The following ADGRF5 variants were observed in gnomAD, a reference collection of about 807,000 sequenced individuals.
The protein encoded by ADGRF5 is G-protein coupled receptor 116.
In ADGRF5, 75 loss-of-function variants were observed where a neutral mutation model predicts 132.3. The ratio of observed to expected loss-of-function variants is 0.57; its 90% CI spans 0.47 to 0.69. The LOEUF is 0.69. Among genes scored for constraint, ADGRF5 ranks in the 30% least tolerant of loss-of-function variants. ADGRF5 has a pLI of 0.00. For missense variants in ADGRF5, 1,516 were observed against 1,630.6 expected, an observed-to-expected ratio of 0.93 and a Z score of 1.21; for synonymous variants, 629 against 597.6, an observed-to-expected ratio of 1.05 and a Z score of -0.77.
chr6:46,944,506 TAC>T (rs1046940181), intron 1 of ADGRF5, among the ~76,000 whole-genome samples: 2 of 152,134 alleles, frequency 1.3e-5, no homozygotes, highest in African/African-American at 4.8e-5. Context: ...CCCATCTTCC[TAC>T]ACACACAGGT....
At chr6:46,943,738 C>T (rs1778188934) in intron 1 of ADGRF5, among the ~76,000 whole-genome samples, 2 of 152,150 alleles carry the variant, frequency 1.3e-5, no homozygotes, top group Non-Finnish European at 2.9e-5. Flanking sequence ...AAATTTGAGG[C>T]AGACTATGAA....
chr6:46,887,082 T>C (rs1221096509), intron 4 of ADGRF5: 1 of 152,206 alleles, frequency 6.6e-6, no homozygotes, highest in Non-Finnish European at 1.5e-5. Context: ...TGTTAGTATG[T>C]TTATATTGAA....
At chr6:46,891,603 TC>T (rs1773644356) in intron 3 of ADGRF5, among the ~76,000 whole-genome samples, 1 of 152,188 alleles carries the variant, frequency 6.6e-6, no homozygotes, top group Admixed American at 6.5e-5. Context: ...CTTTGTTGAA[TC>T]CCAGGACCTG....
At chr6:46,889,568 GTATATA>G (rs765350305) in intron 3 of ADGRF5, among the ~76,000 whole-genome samples, 100 of 77,818 alleles carry the variant, frequency 1.3e-3, no homozygotes, top group African/African-American at 3.3e-3. Flanking sequence ...GTGTGTGTGT[GTATATA>G]TATATATATA....
At chr6:46,937,312 C>A (rs1777885129) in intron 1 of ADGRF5, among the ~76,000 whole-genome samples, 1 of 151,836 alleles carries the variant, frequency 6.6e-6, no homozygotes, top group Admixed American at 6.6e-5. Flanking sequence ...CACTGAAATT[C>A]CCCTTATGAC....
At chr6:46,863,190 A>G in intron 14 of ADGRF5, 94 bp from the exon 15 acceptor site, 1 of 937,872 alleles carries the variant, frequency 1.1e-6, no homozygotes, top group Non-Finnish European at 1.7e-6. Flanking sequence ...TGATGTTTGA[A>G]TTCACATTTA....
intron 12 of ADGRF5, 46 bp downstream of exon 12, chr6:46,868,837 T>G: frequency 8.0e-7 from 1 of 1,244,660 alleles, no homozygotes; most frequent in Non-Finnish European, 1.2e-6. Context: ...ATTGCATGTT[T>G]CCAAGAGCCC....
At chr6:46,881,320 G>C (rs11760108) in intron 8 of ADGRF5, 135 bp downstream of exon 8, 1 of 689,952 alleles carries the variant, frequency 1.4e-6, no homozygotes. Flanking sequence ...GGCATAAGAG[G>C]AGGAGGTGGT....
chr6:46,919,867 T>A (rs1164175933), intron 1 of ADGRF5, among the ~76,000 whole-genome samples: 3 of 152,200 alleles, frequency 2.0e-5, no homozygotes, highest in Non-Finnish European at 4.4e-5. Context: ...ATACTGCTTA[T>A]TTATACCTTT....
At position 46,888,432 on chromosome 6, in the gene ADGRF5, C is replaced by A. The variant is rs771840007; in HGVS notation, c.231G>T (p.Leu77=). The A allele has an allele frequency of 6.2e-7, 1 of 1,611,460 alleles. No individual in the cohort carries two copies. Among genetic ancestry groups the A allele is most frequent in the Non-Finnish European group, 8.5e-7 (1 of 1,177,698 alleles). The change falls in exon 4 of 21, where the codon CTG becomes CTT. Residue 77 remains leucine (L), a synonymous_variant. Transcript: ENST00000283296. The part of the protein sequence containing the change: ...IEISFENASF[L]DPIKAYLNSL... ...TGTTCAAGTAGGCTTTGATAGGATCCAGGAAGGATGCATTTTCAAAACTGA... is the reference window on the plus strand; with the variant it reads ...TGTTCAAGTAGGCTTTGATAGGATCAAGGAAGGATGCATTTTCAAAACTGA...
Position 46,877,269 on chromosome 6 carries a change from TTCTTTCTTTCTTTCTTTCTTTCTC to T in ADGRF5, c.1240+909_1240+932del, listed in dbSNP as rs748839384. On this transcript the variant is annotated intron_variant, in intron 10 of 20. Transcript: ENST00000283296. ...TTTCTTTCTTTCTTTCTTTCTTTCT[TTCTTTCTTTCTTTCTTTCTTTCTC>T]TCTCTCTCTCTCTTTCCTTCCTTCC... 7.2e-4 allele frequency among the ~76,000 whole-genome samples: 29 copies of T among 40,424 alleles called. 1 individual carries two copies. Among genetic ancestry groups the T allele is most frequent in the South Asian group, 4.3e-3 (7 of 1,646 alleles). The allele number at this position is 40,424 out of a possible 152,430, so 26.5% of individuals were successfully genotyped here.
Position 46,856,748 on chromosome 6 carries a change from T to C in ADGRF5, c.3846A>G (p.Ser1282=), listed in dbSNP as rs1769096548. 2.5e-6 allele frequency: 4 copies of C among 1,572,920 alleles called. No homozygotes were observed. Among genetic ancestry groups the C allele is most frequent in the South Asian group, 2.2e-5 (2 of 90,008 alleles). The part of the protein sequence containing the change: ...KVQEALLNKF[S]LSRWSSQHSK... ...AGTGCTGTGAAGACCATCTCGACAA[T>C]GAAAACTTATTCAGCAAAGCTTCCT... Residue 1282 remains serine, a synonymous_variant, in exon 19 of 21, where the codon TCA becomes TCG. Coordinates refer to ENST00000283296, the MANE Select transcript of ADGRF5 (RefSeq NM_001098518.2).
chr6:46,860,897 A>G lies in ADGRF5; in HGVS notation c.2200-3T>C. On this transcript the variant is annotated splice_polypyrimidine_tract_variant and splice_region_variant and intron_variant, in intron 15 of 20. Coordinates refer to ENST00000283296, the MANE Select transcript of ADGRF5 (RefSeq NM_001098518.2). ...TGAGAGGGGCTCTTGATCAAAGCCT[A>G]GTAAAACAAAAGCCAACACAAAAAA... 1 of 1,586,610 alleles carries G rather than the reference A, an allele frequency of 6.3e-7. No homozygotes were observed. The highest frequency in any genetic ancestry group is 8.6e-7 in the Non-Finnish European group (1 of 1,163,836).
At position 46,859,446 on chromosome 6, in the gene ADGRF5, G is replaced by A; in HGVS notation, c.2457C>T (p.Thr819=). 1 of 1,612,808 alleles carries A rather than the reference G, an allele frequency of 6.2e-7. No homozygotes were observed. Among genetic ancestry groups the A allele is most frequent in the Non-Finnish European group, 8.5e-7 (1 of 1,178,800 alleles). ...AATGTAGTAGCTGTGAACTCTGATT[G>A]GTCCATTGCTGTTGTAAAACCTTCC... ...NTWKVLQQQW[T]NQSSQLLHSV... is the part of the protein sequence containing the mutation. Residue 819 remains threonine (T), a synonymous_variant, in exon 17 of 21, where the codon ACC becomes ACT. Coordinates refer to ENST00000283296, the MANE Select transcript of ADGRF5 (RefSeq NM_001098518.2).
At chr6:46,873,367 C>T (rs188613932) in intron 10 of ADGRF5, among the ~76,000 whole-genome samples, 4 of 152,120 alleles carry the variant, frequency 2.6e-5, no homozygotes, top group South Asian at 4.1e-4. Context: ...TCTCCTCTAC[C>T]GAAAGTGTTC....
Position 46,868,270 on chromosome 6 carries a change from C to T in ADGRF5, c.1621+613G>A, listed in dbSNP as rs140262569. 2.2e-3 allele frequency among the ~76,000 whole-genome samples: 338 copies of T among 152,250 alleles called. 1 individual carries two copies. The highest frequency in any genetic ancestry group is 3.9e-3 in the Non-Finnish European group (262 of 68,010). On this transcript the variant is annotated intron_variant, in intron 12 of 20. Transcript: ENST00000283296. ...ACTTAACTTTACTGAGTCTCAGTTTCCTCATCTGTAAAATGGGGCTAATAA... is the reference window on the plus strand; with the variant it reads ...ACTTAACTTTACTGAGTCTCAGTTTTCTCATCTGTAAAATGGGGCTAATAA...
At chr6:46,941,393 A>G (rs561908919) in intron 1 of ADGRF5, among the ~76,000 whole-genome samples, 2 of 15,944 alleles carry the variant, frequency 1.3e-4, no homozygotes, top group African/African-American at 2.8e-4. Flanking sequence ...GAAACAAAGA[A>G]AAGAAAAGAA....
At chr6:46,929,026 T>A (rs537735978) in intron 1 of ADGRF5, among the ~76,000 whole-genome samples, 2 of 152,142 alleles carry the variant, frequency 1.3e-5, no homozygotes, top group African/African-American at 4.8e-5. Flanking sequence ...CATGCTGCTA[T>A]AAAGACACAT....
In ADGRF5 at chr6:46,865,157, A is replaced by T. The variant is rs1367685920; in HGVS notation, c.1875T>A (p.Asn625Lys). ...ACCAGGAAACTGAGCTTGCATTGAA[A>T]TTGTGTTTGTAGCACACTTGTTTTT... is the stretch of plus-strand genomic sequence containing the variant. ...VNKKQVCYKHNFNASSVSWCS... is the reference protein window; with the variant it reads ...VNKKQVCYKHKFNASSVSWCS... The change falls in exon 14 of 21, where the codon AAT (asparagine) becomes AAA (lysine). Residue 625 changes from asparagine (N) to lysine (K), a missense_variant. By Grantham distance (94) the Asn-to-Lys change is moderately conservative (BLOSUM62 0). Transcript: ENST00000283296. 1 of 1,613,020 alleles carries T rather than the reference A, an allele frequency of 6.2e-7. No individual in the cohort carries two copies. The highest frequency in any genetic ancestry group is 2.2e-5 in the East Asian group (1 of 44,866).
Sources: gnomAD v4.1 joint callset for allele counts (sites outside exome capture counted in the v4.1 genomes callset) on GRCh38, gnomAD v4.1.1 for gene constraint, MANE v1.5 for transcripts, NCBI Gene and HGNC (gene_info 2026-07-23, HGNC 2026-07-21) for gene names.